LIN7A: variants seen among roughly 807,000 people sequenced by gnomAD.
The protein encoded by LIN7A is protein lin-7 homolog A.
A neutral mutation model predicts 29.8 loss-of-function variants in LIN7A; 25 were observed. The observed-to-expected ratio is 0.84, with a 90% CI of 0.61 to 1.17. The LOEUF (loss-of-function observed/expected upper bound fraction) is 1.17, where lower values mean the gene tolerates loss of function less well. Among genes scored for constraint, LIN7A ranks in the 50% most tolerant of loss-of-function variants. The probability of loss-of-function intolerance (pLI) is 0.00; values close to 1 mark genes in which losing one functional copy is unlikely to be tolerated. For missense variants in LIN7A, 239 were observed against 287.0 expected (o/e 0.83, Z 1.21); for synonymous variants, 118 against 107.5 (o/e 1.10, Z -0.60).
In LIN7A at chr12:80,795,410, G is replaced by C. The variant is rs1011811211; in HGVS notation, c.*2317C>G. 6.6e-6 allele frequency: 1 copy of C among 151,962 alleles called. No individual in the cohort carries two copies. The highest frequency in any genetic ancestry group is 2.4e-5 in the African/African-American group (1 of 41,374). The allele number at this position is 151,962 out of a possible 1,614,324, so 9.4% of individuals were successfully genotyped here. A position where few individuals can be genotyped will look rare whatever the true frequency, so the allele number is the denominator to read the frequency against. On this transcript the variant is annotated 3_prime_UTR_variant, in exon 6 of 6. Transcript: ENST00000552864. ...CTTCTTTACTTTGACAAACAATCTG[G>C]TATGCCTTTATCAGCACTTAACATT...
chr12:80,812,844 C>A (rs979558839), intron 4 of LIN7A, among the ~76,000 whole-genome samples: 2 of 152,192 alleles, frequency 1.3e-5, no homozygotes, highest in Admixed American at 1.3e-4. Flanking sequence ...AGCCACCACA[C>A]CCAGCCTGCC....
intron 2 of LIN7A, among the ~76,000 whole-genome samples, chr12:80,866,214 C>T (rs1874128547): frequency 6.6e-6 from 1 of 152,096 alleles, no homozygotes; most frequent in African/African-American, 2.4e-5. Context: ...AAAGATACTA[C>T]AGGATATTTA....
intron 1 of LIN7A, among the ~76,000 whole-genome samples, chr12:80,900,938 C>T (rs948236796): frequency 6.6e-6 from 1 of 151,926 alleles, no homozygotes; most frequent in Admixed American, 6.6e-5. Context: ...AGAAAAGAAC[C>T]GAAGGGTATG....
intron 1 of LIN7A, among the ~76,000 whole-genome samples, chr12:80,914,220 C>G (rs924691992): frequency 6.6e-6 from 1 of 152,146 alleles, no homozygotes. Flanking sequence ...AAAGAATGAT[C>G]GGGTTCCGTG....
rs137951360 is a variant in LIN7A, at chr12:80,883,368, T to C, written c.201+5883A>G. Among the ~76,000 whole-genome samples the C allele has an allele frequency of 1.9e-3, 293 of 152,332 alleles. 1 individual carries two copies. The highest frequency in any genetic ancestry group is 4.2e-3 in the Admixed American group (64 of 15,306). ...GATTAAGACATTAATAGGCATTAAT[T>C]TGAAAAGCATCAAGAACAAAAACTT... On this transcript the variant is annotated intron_variant, in intron 2 of 5. Transcript: ENST00000552864.
chr12:80,923,210 C>G (rs1217924472), intron 1 of LIN7A, among the ~76,000 whole-genome samples: 2 of 152,204 alleles, frequency 1.3e-5, no homozygotes, highest in Admixed American at 1.3e-4. Context: ...TGCAGTTTCT[C>G]TGGTTTCTGG....
chr12:80,898,290 C>G (rs1330332308), intron 1 of LIN7A, among the ~76,000 whole-genome samples: 1 of 152,078 alleles, frequency 6.6e-6, no homozygotes, highest in African/African-American at 2.4e-5. Flanking sequence ...TGGTGTGCAA[C>G]ATTATTTCTG....
intron 2 of LIN7A, among the ~76,000 whole-genome samples, chr12:80,857,867 T>C (rs1873680588): frequency 6.6e-6 from 1 of 152,282 alleles, no homozygotes; most frequent in South Asian, 2.1e-4. Context: ...TTAAGTTTAA[T>C]GAGAAGGACA....
chr12:80,896,391 A>G (rs1295536066), intron 1 of LIN7A, among the ~76,000 whole-genome samples: 1 of 152,228 alleles, frequency 6.6e-6, no homozygotes, highest in African/African-American at 2.4e-5. Flanking sequence ...ATTTTACCAA[A>G]TAATGTTCAG....
chr12:80,845,145 C>G (rs987892777), intron 4 of LIN7A, among the ~76,000 whole-genome samples: 4 of 149,150 alleles, frequency 2.7e-5, no homozygotes, highest in East Asian at 2.0e-4. Flanking sequence ...GCTGAGGCAG[C>G]AGAATGGTGT....
intron 4 of LIN7A, among the ~76,000 whole-genome samples, chr12:80,832,787 T>A (rs1174032920): frequency 1.3e-5 from 2 of 152,190 alleles, no homozygotes; most frequent in African/African-American, 4.8e-5. Context: ...ATATTGTAGC[T>A]ACTATATGGT....
At chr12:80,798,256 C>T (rs1347898302) in intron 5 of LIN7A, among the ~76,000 whole-genome samples, 2 of 152,148 alleles carry the variant, frequency 1.3e-5, no homozygotes, top group South Asian at 4.1e-4. Flanking sequence ...AGCAGTCTTG[C>T]CAGATACTAC....
At chr12:80,836,385 G>T (rs545924268) in intron 4 of LIN7A, among the ~76,000 whole-genome samples, 1 of 152,186 alleles carries the variant, frequency 6.6e-6, no homozygotes, top group Non-Finnish European at 1.5e-5. Context: ...TCCTGGCATG[G>T]TGGCTCAACA....
intron 4 of LIN7A, chr12:80,842,255 T>A: frequency 1.9e-6 from 1 of 513,406 alleles, no homozygotes; most frequent in South Asian, 2.8e-5. Flanking sequence ...TGTGTATATA[T>A]ATATTTCTGT....
Position 80,811,492 on chromosome 12 carries a change from T to TTGCTGC in LIN7A, c.669_674dup (p.Gln225_Gln226dup), listed in dbSNP as rs781261194. The TTGCTGC allele has an allele frequency of 1.3e-6, 2 of 1,550,434 alleles. No homozygotes were observed. Among genetic ancestry groups the TTGCTGC allele is most frequent in the African/African-American group, 1.4e-5 (1 of 73,678 alleles). On this transcript the variant is annotated inframe_insertion, in exon 5 of 6. Transcript: ENST00000552864. Reference sequence around the variant, plus strand: ...ATGACATGTGGTTTTGTTGTGTTTGTTGCTGCTGCTGCTGTTGCTGCTGCT... The same window carrying TTGCTGC: ...ATGACATGTGGTTTTGTTGTGTTTGTTGCTGCTGCTGCTGCTGCTGTTGCTGCTGCT...
intron 1 of LIN7A, chr12:80,936,575 G>A (rs1417400377): frequency 1.3e-5 from 2 of 152,190 alleles, no homozygotes; most frequent in African/African-American, 2.4e-5. Context: ...CTGCGGAGAG[G>A]GACTAGAGGG....
chr12:80,891,378 C>T lies in LIN7A; in HGVS notation c.83-2009G>A, dbSNP rs192849050. Among the ~76,000 whole-genome samples the T allele has an allele frequency of 1.6e-4, 24 of 152,246 alleles. No individual in the cohort carries two copies. In the South Asian group the frequency reaches 4.4e-3, roughly 28 times the overall value. On this transcript the variant is annotated intron_variant, in intron 1 of 5. Transcript: ENST00000552864. ...GGTTACATATAAGGCCCTTAACGGC[C>T]GACTTCTTCTCGCTCATCTCAGAAC...
chr12:80,829,086 C>A (rs1205621063), intron 4 of LIN7A, among the ~76,000 whole-genome samples: 1 of 152,014 alleles, frequency 6.6e-6, no homozygotes, highest in Admixed American at 6.6e-5. Flanking sequence ...TAGAACAAAC[C>A]AAAGAAGGTG....
At position 80,898,170 on chromosome 12, in the gene LIN7A, A is replaced by C. The variant is rs532158022; in HGVS notation, c.83-8801T>G. 3.3e-5 allele frequency among the ~76,000 whole-genome samples: 5 copies of C among 152,222 alleles called. No homozygotes were observed. In the South Asian group the frequency reaches 1.0e-3, roughly 32 times the overall value. Reference sequence around the variant, plus strand: ...TGTGTGTGGTGTAAGGAAGGGGTTCAGTTGCAATCTTCTGCATATGGCTAG... The same window carrying C: ...TGTGTGTGGTGTAAGGAAGGGGTTCCGTTGCAATCTTCTGCATATGGCTAG... On this transcript the variant is annotated intron_variant, in intron 1 of 5. Coordinates refer to ENST00000552864, the MANE Select transcript of LIN7A (RefSeq NM_004664.4).
Sources: gnomAD v4.1 joint callset for allele counts (sites outside exome capture counted in the v4.1 genomes callset) on GRCh38, gnomAD v4.1.1 for gene constraint, MANE v1.5 for transcripts, NCBI Gene and HGNC (gene_info 2026-07-23, HGNC 2026-07-21) for gene names.